CYFIP1: variants seen among roughly 807,000 people sequenced by gnomAD.
CYFIP1 encodes the protein cytoplasmic FMR1 interacting protein 1, also known as cytoplasmic FMR1-interacting protein 1.
Under a neutral mutation model 163.5 loss-of-function variants are expected in CYFIP1, and 58 were observed. That is an observed-to-expected ratio of 0.35 (90% CI 0.29 to 0.44). CYFIP1 has a LOEUF of 0.44. Ranked by LOEUF, CYFIP1 falls within the 20% of genes least tolerant of loss-of-function variation. The pLI, the probability that CYFIP1 is intolerant of heterozygous loss-of-function variation, is 1.00. For missense variants in CYFIP1, 1,338 were observed against 1,653.8 expected (o/e 0.81, Z 3.31); for synonymous variants, 663 against 660.7 (o/e 1.00, Z -0.05).
In CYFIP1 at chr15:22,932,351, A is replaced by G; in HGVS notation, c.993-11T>C. On this transcript the variant is annotated splice_polypyrimidine_tract_variant and intron_variant, in intron 10 of 30. Coordinates refer to ENST00000617928, the MANE Select transcript of CYFIP1 (RefSeq NM_014608.6). ...GATGTGCACGTCCATCTGTGCAGAG[A>G]GAAAGCACCCGCGTTACCTGCGGAG... is the stretch of plus-strand genomic sequence containing the variant. 1 of 1,580,892 alleles carries G rather than the reference A, an allele frequency of 6.3e-7. No individual in the cohort carries two copies. Among genetic ancestry groups the G allele is most frequent in the Non-Finnish European group, 8.6e-7 (1 of 1,163,222 alleles).
intron 1 of CYFIP1, among the ~76,000 whole-genome samples, chr15:22,956,499 T>G (rs529933768): frequency 2.0e-5 from 3 of 152,134 alleles, no homozygotes; most frequent in Non-Finnish European, 4.4e-5. Context: ...TGAGTGTGTA[T>G]GTGTGTGAGT....
At chr15:22,893,199 C>G (rs926886252) in intron 22 of CYFIP1, among the ~76,000 whole-genome samples, 31 of 151,456 alleles carry the variant, frequency 2.0e-4, no homozygotes, top group African/African-American at 7.2e-4. Flanking sequence ...AGCAGGAACA[C>G]CCGGGGTCTG....
Position 22,951,631 on chromosome 15 carries a change from G to A in CYFIP1, c.-6-4340C>T, listed in dbSNP as rs1471073685. The A allele has an allele frequency of 1.4e-5, 16 of 1,128,924 alleles. 1 individual carries two copies. The highest frequency in any genetic ancestry group is 5.1e-5 in the Admixed American group (2 of 38,884). The allele number at this position is 1,128,924 out of a possible 1,614,324, so 69.9% of individuals were successfully genotyped here. A position where few individuals can be genotyped will look rare whatever the true frequency, so the allele number is the denominator to read the frequency against. ...CCTGGGGGCGTGTCCAGTCATGCCCGGGCCCCACGCGGGTCAACAAGAAGA... is the reference window on the plus strand; with the variant it reads ...CCTGGGGGCGTGTCCAGTCATGCCCAGGCCCCACGCGGGTCAACAAGAAGA... On this transcript the variant is annotated intron_variant, in intron 1 of 30. Transcript: ENST00000617928.
At chr15:22,958,672 A>C (rs1368922670) in intron 1 of CYFIP1, among the ~76,000 whole-genome samples, 2 of 152,010 alleles carry the variant, frequency 1.3e-5, no homozygotes, top group Admixed American at 1.3e-4. Flanking sequence ...GCCCTCCCCC[A>C]GGCTTCCCTC....
intron 1 of CYFIP1, among the ~76,000 whole-genome samples, chr15:22,950,084 A>T (rs1041372188): frequency 1.3e-5 from 2 of 152,246 alleles, no homozygotes; most frequent in Non-Finnish European, 2.9e-5. Context: ...AAGGAAATAG[A>T]GCAATGATAA....
At chr15:22,937,614 T>TTTTTTG (rs2061755459) in intron 8 of CYFIP1, among the ~76,000 whole-genome samples, 1 of 151,414 alleles carries the variant, frequency 6.6e-6, no homozygotes. Context: ...GTTTTTTTTT[T>TTTTTTG]TTGAGATGGA....
chr15:22,900,544 G>A (rs981515567), intron 22 of CYFIP1, among the ~76,000 whole-genome samples: 11 of 151,690 alleles, frequency 7.3e-5, no homozygotes, highest in African/African-American at 1.9e-4. Flanking sequence ...GACTGCAGGC[G>A]CCCGCCACCA....
intron 8 of CYFIP1, among the ~76,000 whole-genome samples, 171 bp from the exon 9 acceptor site, chr15:22,937,379 C>T (rs1287982541): frequency 6.6e-6 from 1 of 152,088 alleles, no homozygotes; most frequent in African/African-American, 2.4e-5. Context: ...ATTTTATCCT[C>T]AGTGAAACTG....
At chr15:22,923,957 A>AAAAAAAAAAAAACAAGAAAAAG (rs1555410523) in intron 13 of CYFIP1, among the ~76,000 whole-genome samples, 2 of 150,612 alleles carry the variant, frequency 1.3e-5, no homozygotes, top group African/African-American at 4.9e-5. Context: ...AAAAAAAAAA[A>AAAAAAAAAAAAACAAGAAAAAG]AAAAAAAACA....
intron 1 of CYFIP1, among the ~76,000 whole-genome samples, chr15:22,952,702 TATGC>T (rs3083510): frequency 0.65 from 89,984 of 138,056 alleles, 29,188 homozygotes; most frequent in Middle Eastern, 0.79. Flanking sequence ...AAGTTTATGT[TATGC>T]ATGCATATTT....
chr15:22,912,143 A>T (rs778926108), intron 18 of CYFIP1, 36 bp downstream of exon 18: 3 of 1,531,812 alleles, frequency 2.0e-6, no homozygotes, highest in Non-Finnish European at 2.7e-6. Flanking sequence ...ATTTAATTGA[A>T]GGAAATGAAC....
Position 22,909,258 on chromosome 15 carries a change from G to A in CYFIP1, c.2324C>T (p.Ala775Val). 1 of 1,614,162 alleles carries A rather than the reference G, an allele frequency of 6.2e-7. No homozygotes were observed. The highest frequency in any genetic ancestry group is 8.5e-7 in the Non-Finnish European group (1 of 1,180,010). The change falls in exon 21 of 31, where the codon GCC (alanine) becomes GTC (valine). Residue 775 changes from alanine to valine, a missense_variant. By Grantham distance (64) the Ala-to-Val change is moderately conservative. Around this residue, in one of 4 missense-constraint regions of CYFIP1, gnomAD observed 824 missense variants for 995.7 expected, o/e 0.83. Transcript: ENST00000617928. ...CGCCAGTTCTAGGGACTTATACATGGCTGCTGAGACGCGCTGGGTGATCAG... is the reference window on the plus strand; with the variant it reads ...CGCCAGTTCTAGGGACTTATACATGACTGCTGAGACGCGCTGGGTGATCAG... ...NRLITQRVSAAMYKSLELAIG... is the reference protein window; with the variant it reads ...NRLITQRVSAVMYKSLELAIG...
chr15:22,903,638 G>A (rs1595556944), intron 22 of CYFIP1, 68 bp downstream of exon 22: 3 of 1,536,292 alleles, frequency 2.0e-6, no homozygotes, highest in South Asian at 1.1e-5. Flanking sequence ...GTGACATGGA[G>A]GAAGCCTGCG....
intron 13 of CYFIP1, among the ~76,000 whole-genome samples, chr15:22,919,265 C>A (rs1233764648): frequency 6.6e-6 from 1 of 152,176 alleles, no homozygotes; most frequent in African/African-American, 2.4e-5. Context: ...AACTACCATT[C>A]ACAGAAAAAG....
rs1529793 is a variant in CYFIP1, at chr15:22,873,234, G to A, written c.3449+257C>T. 1.6e-3 allele frequency among the ~76,000 whole-genome samples: 243 copies of A among 152,134 alleles called. 9 individuals are homozygous for A. In the East Asian group the frequency reaches 0.042, roughly 26 times the overall value. On this transcript the variant is annotated intron_variant, in intron 29 of 30. Transcript: ENST00000617928. ...CCCCTCTGTGATGAATGACTCTATG[G>A]ACCTCCCACCTAGAAAAATGCACGC... is the stretch of plus-strand genomic sequence containing the variant.
At chr15:22,961,125 G>C in intron 1 of CYFIP1, among the ~76,000 whole-genome samples, 1 of 151,960 alleles carries the variant, frequency 6.6e-6, no homozygotes, top group Non-Finnish European at 1.5e-5. Flanking sequence ...GTCTTCAAGT[G>C]ATTCTCCTGC....
intron 11 of CYFIP1, 129 bp from the exon 12 acceptor site, chr15:22,928,157 G>A (rs11634789): frequency 0.31 from 346,639 of 1,136,286 alleles, 56,770 homozygotes; most frequent in Admixed American, 0.36. Flanking sequence ...AGGCCAAGGC[G>A]GGCGGATCAC....
rs560737102 is a variant in CYFIP1, at chr15:22,929,186, C to T, written c.1111-1158G>A. ...AGTGAGCCAAGATCCCGCCATCACA[C>T]GCCATCCAGCCTGGGCAACAAGAGC... On this transcript the variant is annotated intron_variant, in intron 11 of 30. Transcript: ENST00000617928. Among the ~76,000 whole-genome samples, 19 of 150,314 alleles carry T rather than the reference C, an allele frequency of 1.3e-4. 1 individual carries two copies. Among genetic ancestry groups the T allele is most frequent in the African/African-American group, 3.7e-4 (15 of 40,736 alleles).
At chr15:22,923,716 G>A (rs1373255549) in intron 13 of CYFIP1, among the ~76,000 whole-genome samples, 7 of 152,038 alleles carry the variant, frequency 4.6e-5, no homozygotes, top group Non-Finnish European at 1.5e-5. Flanking sequence ...GTCAAAGCAG[G>A]AGGATCACTT....
Sources: allele counts gnomAD v4.1 joint callset (sites outside exome capture counted in the v4.1 genomes callset), GRCh38; gene constraint gnomAD v4.1.1; regional missense constraint gnomAD v4.1.1; transcripts MANE v1.5; gene names NCBI Gene and HGNC (gene_info 2026-07-23, HGNC 2026-07-21).